The following GALNT13 variants were observed in gnomAD, a reference collection of about 807,000 sequenced individuals.
The protein encoded by GALNT13 is UDP-GalNAc:polypeptide N-acetylgalactosaminyltransferase 13.
A neutral mutation model predicts 64.2 loss-of-function variants in GALNT13; 28 were observed. The observed-to-expected ratio is 0.44, with a 90% confidence interval of 0.32 to 0.60. The LOEUF is 0.60. GALNT13 is among the 20% of genes least tolerant of loss of function. The pLI, the probability that GALNT13 is intolerant of heterozygous loss-of-function variation, is 0.05. For synonymous variants in GALNT13, 214 were observed against 224.6 expected (o/e 0.95, Z 0.42); for missense variants, 577 against 669.8 (o/e 0.86, Z 1.53).
chr2:154,355,155 T>C (rs945513521), intron 9 of GALNT13, among the ~76,000 whole-genome samples: 1 of 152,074 alleles, frequency 6.6e-6, no homozygotes, highest in Admixed American at 6.6e-5. Flanking sequence ...AGCCACATGT[T>C]TTTCTTCTTC....
At chr2:154,316,459 G>A (rs1694324140) in intron 9 of GALNT13, among the ~76,000 whole-genome samples, 1 of 149,206 alleles carries the variant, frequency 6.7e-6, no homozygotes, top group African/African-American at 2.4e-5. Flanking sequence ...AAGTTCCTAA[G>A]TTTTCAATTT....
chr2:153,250,923 G>A, the GALNT13 span, among the ~76,000 whole-genome samples: 1 of 152,102 alleles, frequency 6.6e-6, no homozygotes, highest in African/African-American at 2.4e-5. Context: ...AATACCTAAT[G>A]CATGCAGGGC....
At chr2:153,068,372 G>A in the GALNT13 span, among the ~76,000 whole-genome samples, 1 of 152,128 alleles carries the variant, frequency 6.6e-6, no homozygotes, top group African/African-American at 2.4e-5. Context: ...GTAAGGCCAA[G>A]GCTTCAATTA....
At chr2:153,293,175 G>A in the GALNT13 span, among the ~76,000 whole-genome samples, 1 of 152,110 alleles carries the variant, frequency 6.6e-6, no homozygotes, top group East Asian at 1.9e-4. Context: ...CAGTGGTAGG[G>A]AGAATAATGG....
chr2:154,297,749 G>A (rs1378137440), intron 8 of GALNT13, among the ~76,000 whole-genome samples: 1 of 152,114 alleles, frequency 6.6e-6, no homozygotes, highest in East Asian at 1.9e-4. Context: ...GATTGCATAT[G>A]CATACAGATG....
At chr2:154,194,000 C>A (rs192731898) in intron 4 of GALNT13, among the ~76,000 whole-genome samples, 1 of 152,082 alleles carries the variant, frequency 6.6e-6, no homozygotes, top group Non-Finnish European at 1.5e-5. Flanking sequence ...TTATTACCAT[C>A]GTAAGATAAG....
At chr2:153,431,009 G>C in the GALNT13 span, among the ~76,000 whole-genome samples, 3 of 151,988 alleles carry the variant, frequency 2.0e-5, no homozygotes, top group South Asian at 6.2e-4. Context: ...AATTAGCTGG[G>C]CATGGTGGCA....
At chr2:154,310,332 A>G (rs1333214007) in intron 9 of GALNT13, among the ~76,000 whole-genome samples, 2 of 152,132 alleles carry the variant, frequency 1.3e-5, no homozygotes, top group Non-Finnish European at 1.5e-5. Context: ...GTACTATTTT[A>G]TAACCTACGT....
At chr2:153,655,754 T>C in the GALNT13 span, among the ~76,000 whole-genome samples, 172 of 152,264 alleles carry the variant, frequency 1.1e-3, no homozygotes, top group Admixed American at 6.4e-3. Context: ...AGCTTAATTA[T>C]TTCATATAAG....
chr2:154,364,798 G>A (rs1407089633), intron 9 of GALNT13, among the ~76,000 whole-genome samples: 3 of 152,110 alleles, frequency 2.0e-5, no homozygotes, highest in Non-Finnish European at 4.4e-5. Flanking sequence ...AGCCTCCCAA[G>A]TAGCTGGAAT....
At chr2:153,112,444 A>C in the GALNT13 span, among the ~76,000 whole-genome samples, 1 of 151,110 alleles carries the variant, frequency 6.6e-6, no homozygotes, top group Non-Finnish European at 1.5e-5. Flanking sequence ...ACATCCACCT[A>C]CTCAGCTATT....
the GALNT13 span, among the ~76,000 whole-genome samples, chr2:153,187,239 G>A: frequency 6.6e-6 from 1 of 152,190 alleles, no homozygotes; most frequent in Admixed American, 6.5e-5. Context: ...AGGCAGTCTA[G>A]CCATGCCACT....
At chr2:153,633,316 A>T in the GALNT13 span, among the ~76,000 whole-genome samples, 1 of 152,170 alleles carries the variant, frequency 6.6e-6, no homozygotes, top group Non-Finnish European at 1.5e-5. Context: ...GATATAAAGT[A>T]TTCTTCTTAG....
chr2:154,302,890 A>G (rs1025448868), intron 9 of GALNT13, among the ~76,000 whole-genome samples: 7 of 152,248 alleles, frequency 4.6e-5, no homozygotes, highest in Middle Eastern at 3.4e-3. Flanking sequence ...AAAGGTGCTA[A>G]ACTCTCAGTT....
the GALNT13 span, among the ~76,000 whole-genome samples, chr2:153,538,326 C>CTTTTTTTTTTTTTTTTTTTTTTTATTT: frequency 9.9e-6 from 1 of 100,846 alleles, no homozygotes; most frequent in Non-Finnish European, 2.2e-5. Flanking sequence ...TTTTTTAATT[C>CTTTTTTTTTTTTTTTTTTTTTTTATTT]TTTTTTTTTT....
chr2:153,954,095 G>T (rs190398985), intron 3 of GALNT13, among the ~76,000 whole-genome samples: 1 of 152,168 alleles, frequency 6.6e-6, no homozygotes, highest in East Asian at 1.9e-4. Context: ...TGTTGATTTT[G>T]TCTGATTAAT....
At chr2:153,569,546 T>G in the GALNT13 span, among the ~76,000 whole-genome samples, 1 of 151,902 alleles carries the variant, frequency 6.6e-6, no homozygotes, top group East Asian at 1.9e-4. Context: ...CTTTTTATTT[T>G]TAATTATTGT....
the GALNT13 span, among the ~76,000 whole-genome samples, chr2:153,198,982 C>T: frequency 6.8e-6 from 1 of 147,108 alleles, no homozygotes; most frequent in African/African-American, 2.5e-5. Flanking sequence ...CTGGCAGTGC[C>T]TTCCAGATGG....
upstream of GALNT13, among the ~76,000 whole-genome samples, chr2:153,871,572 G>A (rs1475256469): frequency 6.6e-6 from 1 of 152,190 alleles, no homozygotes; most frequent in Non-Finnish European, 1.5e-5. Flanking sequence ...GGCCGGCTTT[G>A]GCGTTGTGGG....
Sources: gnomAD v4.1 joint callset for allele counts (sites outside exome capture counted in the v4.1 genomes callset) on GRCh38, gnomAD v4.1.1 for gene constraint, MANE v1.5 for transcripts, NCBI Gene and HGNC (gene_info 2026-07-23, HGNC 2026-07-21) for gene names.